Variants in GRB14 observed in about 807,000 individuals in gnomAD.
The protein encoded by GRB14 is growth factor receptor bound protein 14.
In GRB14, 38 loss-of-function variants were observed where a neutral mutation model predicts 69.1. That is an observed-to-expected ratio of 0.55 (90% CI 0.42 to 0.72). The LOEUF (loss-of-function observed/expected upper bound fraction) is 0.72, where lower values mean the gene tolerates loss of function less well. Ranked by LOEUF, GRB14 falls within the 30% of genes least tolerant of loss-of-function variation. GRB14 has a pLI of 0.00. For missense variants in GRB14, 666 were observed against 666.1 expected, an observed-to-expected ratio of 1.00 and a Z score of 0.00; for synonymous variants, 247 against 241.3, an observed-to-expected ratio of 1.02 and a Z score of -0.22.
intron 5 of GRB14, among the ~76,000 whole-genome samples, chr2:164,524,121 A>T (rs1250276022): frequency 6.6e-6 from 1 of 152,094 alleles, no homozygotes; most frequent in Non-Finnish European, 1.5e-5. Flanking sequence ...CCACAGAAAA[A>T]TCCATGATAG....
chr2:164,592,641 C>T (rs1220484565), intron 2 of GRB14, among the ~76,000 whole-genome samples: 2 of 152,182 alleles, frequency 1.3e-5, no homozygotes, highest in Non-Finnish European at 2.9e-5. Context: ...CATTCATGTG[C>T]ATGGAAACCT....
intron 2 of GRB14, among the ~76,000 whole-genome samples, chr2:164,584,166 T>TC: frequency 7.2e-6 from 1 of 139,432 alleles, no homozygotes; most frequent in East Asian, 2.1e-4. Context: ...TTTTTTTTTT[T>TC]TTTTTTTTTT....
intron 2 of GRB14, among the ~76,000 whole-genome samples, chr2:164,585,067 TCA>T (rs1689503898): frequency 1.4e-5 from 2 of 140,466 alleles, no homozygotes; most frequent in African/African-American, 2.6e-5. Flanking sequence ...CTCAGCCCCT[TCA>T]TACCACCATG....
chr2:164,493,050 T>C lies in GRB14; in HGVS notation c.1609A>G (p.Arg537Gly). 2.5e-6 allele frequency: 4 copies of C among 1,613,456 alleles called. No individual in the cohort carries two copies. Among genetic ancestry groups the C allele is most frequent in the Non-Finnish European group, 3.4e-6 (4 of 1,179,574 alleles). The change falls in exon 14 of 14, where the codon AGG becomes GGG. Residue 537 changes from arginine (R) to glycine (G), a missense_variant. Transcript: ENST00000263915. ...TTCTGGCTTGTCTAGAGAGCAATCCTAGCACAATAATGTTTCAACTTGCAA... is the reference window on the plus strand; with the variant it reads ...TTCTGGCTTGTCTAGAGAGCAATCCCAGCACAATAATGTTTCAACTTGCAA... ...LPCKLKHYCA[R>G]IAL
chr2:164,585,666 T>C (rs1412616096), intron 2 of GRB14, among the ~76,000 whole-genome samples: 1 of 152,158 alleles, frequency 6.6e-6, no homozygotes, highest in African/African-American at 2.4e-5. Context: ...AAACATCACA[T>C]TGTATGCCTT....
intron 3 of GRB14, among the ~76,000 whole-genome samples, chr2:164,545,203 G>A (rs953512828): frequency 6.6e-6 from 1 of 152,186 alleles, no homozygotes; most frequent in Non-Finnish European, 1.5e-5. Context: ...TGATTTTGAT[G>A]ATTTCTTACT....
At chr2:164,592,793 C>G (rs1689698089) in intron 2 of GRB14, among the ~76,000 whole-genome samples, 1 of 152,128 alleles carries the variant, frequency 6.6e-6, no homozygotes, top group Non-Finnish European at 1.5e-5. Flanking sequence ...GGAAATACTC[C>G]TCAGTTTATG....
At chr2:164,605,917 A>T (rs974506822) in intron 2 of GRB14, among the ~76,000 whole-genome samples, 1 of 152,312 alleles carries the variant, frequency 6.6e-6, no homozygotes, top group Admixed American at 6.5e-5. Flanking sequence ...TGAAAACTAC[A>T]CTAGCACTTC....
chr2:164,533,279 G>T (rs191675039), intron 3 of GRB14, among the ~76,000 whole-genome samples: 1 of 127,544 alleles, frequency 7.8e-6, no homozygotes, highest in African/African-American at 3.1e-5. Context: ...GTCGCCCATG[G>T]TGGAGTGCAG....
intron 2 of GRB14, among the ~76,000 whole-genome samples, chr2:164,606,107 T>C (rs1287922867): frequency 6.6e-6 from 1 of 152,200 alleles, no homozygotes; most frequent in African/African-American, 2.4e-5. Context: ...TCCCATATTT[T>C]CAATTAAAGT....
rs145275256 is a variant in GRB14 at position 164,529,571 on chromosome 2, C to T, written c.482-2436G>A. 3.5e-3 allele frequency among the ~76,000 whole-genome samples: 527 copies of T among 152,244 alleles called. 1 individual carries two copies. Among genetic ancestry groups the T allele is most frequent in the African/African-American group, 0.012 (508 of 41,544 alleles). On this transcript the variant is annotated intron_variant, in intron 3 of 13. Transcript: ENST00000263915. ...CAACTCACCTTTGCAACTTTCTCTACGTCTGCTCCAATATCTTCTACTCCT... is the reference window on the plus strand; with the variant it reads ...CAACTCACCTTTGCAACTTTCTCTATGTCTGCTCCAATATCTTCTACTCCT...
At chr2:164,518,836 A>G (rs1687559150) in intron 6 of GRB14, among the ~76,000 whole-genome samples, 1 of 152,112 alleles carries the variant, frequency 6.6e-6, no homozygotes, top group Admixed American at 6.6e-5. Context: ...AAAAACGCTG[A>G]GCAGACCAAT....
rs1184081099 is a variant in GRB14, at chr2:164,621,136, G to C, written c.174C>G (p.Arg58=). ...RALLPLPDGT[R]GCAADRRKKK... ...TTGCCTACCTGTCTGCAGCACAGCC[G>C]CGGGTCCCGTCCGGAAGGGGCAGGA... Residue 58 remains arginine, a synonymous_variant, in exon 1 of 14, where the codon CGC becomes CGG. Transcript: ENST00000263915. The surrounding 1 kb of genome is among the most constrained non-coding windows in gnomAD (Gnocchi z 6.0). 8.0e-7 allele frequency: 1 copy of C among 1,246,102 alleles called. No individual in the cohort carries two copies. The highest frequency in any genetic ancestry group is 1.0e-6 in the Non-Finnish European group (1 of 988,380). The allele number at this position is 1,246,102 out of a possible 1,614,324, so 77.2% of individuals were successfully genotyped here.
At chr2:164,572,907 T>A (rs1158960683) in intron 2 of GRB14, among the ~76,000 whole-genome samples, 1 of 152,184 alleles carries the variant, frequency 6.6e-6, no homozygotes, top group African/African-American at 2.4e-5. Context: ...AAAATACAAC[T>A]TGCACTGTCC....
At chr2:164,557,775 T>C (rs1389830541) in intron 2 of GRB14, among the ~76,000 whole-genome samples, 4 of 152,190 alleles carry the variant, frequency 2.6e-5, no homozygotes, top group Non-Finnish European at 5.9e-5. Context: ...AGCCCTGGTA[T>C]AGATTTGTAT....
intron 2 of GRB14, among the ~76,000 whole-genome samples, chr2:164,578,495 A>C (rs1239303588): frequency 6.6e-6 from 1 of 150,676 alleles, no homozygotes; most frequent in African/African-American, 2.4e-5. Flanking sequence ...AATGAACAAA[A>C]AAAAGGAACG....
chr2:164,554,056 C>T (rs2105316287), intron 2 of GRB14, among the ~76,000 whole-genome samples: 1 of 152,150 alleles, frequency 6.6e-6, no homozygotes. Context: ...TACACTAAAC[C>T]TTCCTATTTA....
At chr2:164,545,012 C>G (rs1447950293) in intron 3 of GRB14, among the ~76,000 whole-genome samples, 1 of 152,212 alleles carries the variant, frequency 6.6e-6, no homozygotes, top group Non-Finnish European at 1.5e-5. Context: ...TTGAACAGAA[C>G]CTTTCATTGG....
chr2:164,498,719 T>C (rs868019932), intron 9 of GRB14, among the ~76,000 whole-genome samples: 9 of 152,190 alleles, frequency 5.9e-5, no homozygotes, highest in African/African-American at 2.2e-4. Flanking sequence ...CTTGGTTGCA[T>C]AGACTATAGT....
Sources: allele counts gnomAD v4.1 joint callset (sites outside exome capture counted in the v4.1 genomes callset), GRCh38; gene constraint gnomAD v4.1.1; non-coding constraint Gnocchi (gnomAD v3.1); transcripts MANE v1.5; gene names NCBI Gene and HGNC (gene_info 2026-07-23, HGNC 2026-07-21).